TMLHE: variants seen among roughly 807,000 people sequenced by gnomAD.
TMLHE encodes the protein trimethyllysine hydroxylase, epsilon, also known as trimethyllysine dioxygenase, mitochondrial.
Under a neutral mutation model 25.7 loss-of-function variants are expected in TMLHE, and 18 were observed. That is an observed-to-expected ratio of 0.70 (90% CI 0.48 to 1.04). The LOEUF is 1.04. TMLHE is among the 50% of genes least tolerant of loss of function. The probability of loss-of-function intolerance (pLI) is 0.00; values close to 1 mark genes in which losing one functional copy is unlikely to be tolerated. For synonymous variants in TMLHE, 105 were observed against 97.0 expected, an observed-to-expected ratio of 1.08 and a Z score of -0.49; for missense variants, 236 against 259.0, an observed-to-expected ratio of 0.91 and a Z score of 0.61.
intron 1 of TMLHE, among the ~76,000 whole-genome samples, chrX:155,596,267 T>C (rs1464224451): frequency 8.9e-5 from 10 of 112,137 alleles, no homozygotes; most frequent in African/African-American, 3.2e-4. Flanking sequence ...TCTGGATTGG[T>C]GCCATTGATG....
intron 1 of TMLHE, among the ~76,000 whole-genome samples, chrX:155,603,864 T>G (rs1344527817): frequency 1.8e-5 from 2 of 111,692 alleles, no homozygotes; most frequent in African/African-American, 6.5e-5. Context: ...GGCAAAGAAT[T>G]ATTAGATACA....
intron 4 of TMLHE, among the ~76,000 whole-genome samples, chrX:155,513,694 T>C (rs2067133050): frequency 1.8e-5 from 2 of 110,095 alleles, no homozygotes; most frequent in Admixed American, 9.7e-5. Context: ...CCAGTTCTCC[T>C]TACAGTCAGT....
intron 1 of TMLHE, among the ~76,000 whole-genome samples, chrX:155,554,458 C>G (rs2067435294): frequency 9.0e-6 from 1 of 110,978 alleles, no homozygotes; most frequent in Non-Finnish European, 1.9e-5. Flanking sequence ...AAATGTAGTT[C>G]TATCGTCTTC....
At chrX:155,514,972 G>A (rs946326938) in intron 3 of TMLHE, among the ~76,000 whole-genome samples, 3 of 111,714 alleles carry the variant, frequency 2.7e-5, no homozygotes, top group Admixed American at 9.5e-5. Flanking sequence ...GCAGCAGAAG[G>A]AGTGAAAGAC....
rs2124399943 is a variant in TMLHE, at chrX:155,539,275, G to A, written c.181+5821C>T. 1.8e-5 allele frequency among the ~76,000 whole-genome samples: 2 copies of A among 111,585 alleles called. 1 individual carries two copies. The highest frequency in any genetic ancestry group is 7.5e-4 in the South Asian group (2 of 2,661). On this transcript the variant is annotated intron_variant, in intron 2 of 7. Transcript: ENST00000334398. The stretch of plus-strand genomic sequence containing the variant: ...TGACAGCAATGGGATGCCAGGTTGG[G>A]GGCCTGCTGAGAACAAAGGTGATCA...
intron 2 of TMLHE, among the ~76,000 whole-genome samples, chrX:155,541,080 G>A (rs1203278357): frequency 9.1e-6 from 1 of 110,065 alleles, no homozygotes; most frequent in Non-Finnish European, 1.9e-5. Flanking sequence ...AAGTTCTGGG[G>A]TACATGTGCA....
chrX:155,604,124 G>A (rs2067773108), intron 1 of TMLHE, among the ~76,000 whole-genome samples: 2 of 111,775 alleles, frequency 1.8e-5, no homozygotes, highest in Admixed American at 1.9e-4. Flanking sequence ...AGGGCCCCTG[G>A]CTTGGGCCCA....
rs1488845577 is a variant in TMLHE, at chrX:155,567,671, C to T, written c.-1-22394G>A. On this transcript the variant is annotated intron_variant, in intron 1 of 7. Transcript: ENST00000334398. ...AAGAAAAACTATTGAATCTTGAGTACAAATGGTAGAAATCTATGGCATTTT... is the reference window on the plus strand; with the variant it reads ...AAGAAAAACTATTGAATCTTGAGTATAAATGGTAGAAATCTATGGCATTTT... Among the ~76,000 whole-genome samples the T allele has an allele frequency of 3.2e-5, 2 of 62,147 alleles. 1 individual carries two copies. The allele number at this position is 62,147 out of a possible 115,157, so 54.0% of individuals were successfully genotyped here.
At chrX:155,588,488 C>T (rs2067677126) in intron 1 of TMLHE, among the ~76,000 whole-genome samples, 1 of 111,508 alleles carries the variant, frequency 9.0e-6, no homozygotes, top group Non-Finnish European at 1.9e-5. Context: ...ACAAATGAGA[C>T]TTTATTAAAC....
chrX:155,515,152 G>C (rs1323707416), intron 3 of TMLHE, among the ~76,000 whole-genome samples: 1 of 110,759 alleles, frequency 9.0e-6, no homozygotes, highest in East Asian at 2.8e-4. Flanking sequence ...TGACAGCCTG[G>C]CATCATTCCT....
intron 2 of TMLHE, among the ~76,000 whole-genome samples, chrX:155,530,158 A>C (rs1349206906): frequency 2.7e-5 from 3 of 112,120 alleles, no homozygotes; most frequent in African/African-American, 9.7e-5. Context: ...AAGCCAAGAT[A>C]TGGAAAGAAC....
intron 2 of TMLHE, among the ~76,000 whole-genome samples, chrX:155,529,919 T>C (rs1235621280): frequency 1.2e-4 from 14 of 112,063 alleles, no homozygotes; most frequent in African/African-American, 4.5e-4. Context: ...AAAAAAATCA[T>C]TGCCAAGGCC....
Position 155,566,120 on chromosome X carries a change from G to A in TMLHE, c.-1-20843C>T, listed in dbSNP as rs1285038444. 3.2e-5 allele frequency among the ~76,000 whole-genome samples: 2 copies of A among 62,024 alleles called. 1 individual carries two copies. Among genetic ancestry groups the A allele is most frequent in the African/African-American group, 7.1e-5 (2 of 27,980 alleles). 53.9% of individuals were successfully genotyped at this position (62,024 alleles called of 115,157 possible). On this transcript the variant is annotated intron_variant, in intron 1 of 7. Coordinates refer to ENST00000334398, the MANE Select transcript of TMLHE (RefSeq NM_018196.4). ...ACCTTTAAAGTAAAGCCTGAACCAA[G>A]GCTATGTGCATCTGTGTGTTTTCCA...
In TMLHE at chrX:155,570,874, G is replaced by GA. The variant is rs1181137187; in HGVS notation, c.-1-25598dup. 1.4e-4 allele frequency among the ~76,000 whole-genome samples: 8 copies of GA among 57,239 alleles called. 2 individuals are homozygous for GA. The highest frequency in any genetic ancestry group is 3.2e-4 in the Non-Finnish European group (7 of 21,970). The allele number at this position is 57,239 out of a possible 115,157, so 49.7% of individuals were successfully genotyped here. A position where few individuals can be genotyped will look rare whatever the true frequency, so the allele number is the denominator to read the frequency against. On this transcript the variant is annotated intron_variant, in intron 1 of 7. Coordinates refer to ENST00000334398, the MANE Select transcript of TMLHE (RefSeq NM_018196.4). ...TTTATAGCACTAAATACCCACAAGA[G>GA]AAGCAGGAAAGATCCAAAATTGACA... is the stretch of plus-strand genomic sequence containing the variant.
chrX:155,558,118 A>G lies in TMLHE; in HGVS notation c.-1-12841T>C, dbSNP rs147008774. ...TGTCCTTAATGTAATGCCTTCTACT[A>G]CCTGGTTCTGAGCTACCTCTCAGCC... On this transcript the variant is annotated intron_variant, in intron 1 of 7. Transcript: ENST00000334398. 6.9e-3 allele frequency among the ~76,000 whole-genome samples: 768 copies of G among 111,791 alleles called. 6 individuals are homozygous for G. Among genetic ancestry groups the G allele is most frequent in the African/African-American group, 0.024 (727 of 30,853 alleles).
chrX:155,533,630 A>G (rs183125326), intron 2 of TMLHE, among the ~76,000 whole-genome samples: 149 of 111,672 alleles, frequency 1.3e-3, no homozygotes, highest in Non-Finnish European at 2.1e-3. Context: ...GTCAGAAAAA[A>G]AAAGAGGACA....
chrX:155,580,151 CAAAT>C (rs1173407086), intron 1 of TMLHE, among the ~76,000 whole-genome samples: 2 of 111,171 alleles, frequency 1.8e-5, no homozygotes, highest in African/African-American at 3.3e-5. Flanking sequence ...ACAAAGAAAA[CAAAT>C]AACTCCATTA....
chrX:155,546,000 TTG>T (rs1275632981), intron 1 of TMLHE, among the ~76,000 whole-genome samples: 4 of 110,117 alleles, frequency 3.6e-5, no homozygotes, highest in African/African-American at 1.3e-4. Flanking sequence ...GTCTCTCTGC[TTG>T]TGACACTACT....
In TMLHE at chrX:155,568,814, C is replaced by G. The variant is rs1210815696; in HGVS notation, c.-1-23537G>C. On this transcript the variant is annotated intron_variant, in intron 1 of 7. Coordinates refer to ENST00000334398, the MANE Select transcript of TMLHE (RefSeq NM_018196.4). ...GAAAACTAACAAACAGAAAGGATAT[C>G]CACACCAAAAACCCATCTGTACATC... Among the ~76,000 whole-genome samples the G allele has an allele frequency of 1.6e-3, 96 of 60,986 alleles. 14 individuals carry two copies. The highest frequency in any genetic ancestry group is 3.5e-3 in the African/African-American group (96 of 27,298). 53.0% of individuals were successfully genotyped at this position (60,986 alleles called of 115,157 possible). A position where few individuals can be genotyped will look rare whatever the true frequency, so the allele number is the denominator to read the frequency against.
Sources: allele counts gnomAD v4.1 joint callset (sites outside exome capture counted in the v4.1 genomes callset), GRCh38; gene constraint gnomAD v4.1.1; transcripts MANE v1.5; gene names NCBI Gene and HGNC (gene_info 2026-07-23, HGNC 2026-07-21).